BMPR1B: variants seen among roughly 807,000 people sequenced by gnomAD.
BMPR1B encodes the protein bone morphogenetic protein receptor type 1B, also known as bone morphogenetic protein receptor type-1B.
A neutral mutation model predicts 59.1 loss-of-function variants in BMPR1B; 12 were observed. The ratio of observed to expected loss-of-function variants is 0.20; its 90% CI spans 0.13 to 0.33. The LOEUF (loss-of-function observed/expected upper bound fraction) is 0.33, where lower values mean the gene tolerates loss of function less well. Among genes scored for constraint, BMPR1B ranks in the 10% least tolerant of loss-of-function variants. The probability of loss-of-function intolerance (pLI) is 1.00; values close to 1 mark genes in which losing one functional copy is unlikely to be tolerated. For missense variants in BMPR1B, 550 were observed against 610.9 expected, an observed-to-expected ratio of 0.90 and a Z score of 1.05; for synonymous variants, 237 against 207.3, an observed-to-expected ratio of 1.14 and a Z score of -1.23.
At chr4:94,811,712 C>G (rs1401630389) in intron 1 of BMPR1B, among the ~76,000 whole-genome samples, 1 of 152,104 alleles carries the variant, frequency 6.6e-6, no homozygotes, top group Non-Finnish European at 1.5e-5. Context: ...ACAACTTTCT[C>G]AAATGCCAGG....
chr4:94,967,977 C>CTTTG (rs1256119808), intron 2 of BMPR1B, among the ~76,000 whole-genome samples: 1 of 152,130 alleles, frequency 6.6e-6, no homozygotes, highest in Non-Finnish European at 1.5e-5. Context: ...CTTTATCTCA[C>CTTTG]TTTGAGGTTA....
intron 3 of BMPR1B, among the ~76,000 whole-genome samples, chr4:95,074,926 G>A (rs991914963): frequency 1.3e-5 from 2 of 152,100 alleles, no homozygotes; most frequent in African/African-American, 2.4e-5. Flanking sequence ...TTTGGGATGA[G>A]CAAAGAAGTA....
intron 3 of BMPR1B, among the ~76,000 whole-genome samples, chr4:95,061,158 TAAACACACAC>T (rs1449417825): frequency 5.4e-5 from 5 of 92,544 alleles, no homozygotes; most frequent in Admixed American, 2.9e-4. Context: ...TGATTTAGAA[TAAACACACAC>T]ACACACACAC....
At chr4:95,123,677 T>A (rs1428844868) in intron 6 of BMPR1B, 133 bp from the exon 7 acceptor site, 3 of 707,888 alleles carry the variant, frequency 4.2e-6, no homozygotes, top group Non-Finnish European at 7.1e-6. Context: ...TTTTAAAAAA[T>A]TAATTGGTAT....
chr4:95,122,142 G>A (rs961839232), intron 6 of BMPR1B, among the ~76,000 whole-genome samples: 3 of 152,114 alleles, frequency 2.0e-5, no homozygotes, highest in African/African-American at 7.2e-5. Context: ...TTTGAGACCA[G>A]CCGGGCCAAC....
chr4:94,999,499 C>T (rs541552537), intron 3 of BMPR1B, among the ~76,000 whole-genome samples: 4 of 151,448 alleles, frequency 2.6e-5, no homozygotes, highest in African/African-American at 9.7e-5. Flanking sequence ...ATTTGGGTAA[C>T]AAGAGTCAAA....
At position 95,009,276 on chromosome 4, in the gene BMPR1B, A is replaced by G. The variant is rs145973773; in HGVS notation, c.-18+13142A>G. 5.9e-5 allele frequency among the ~76,000 whole-genome samples: 9 copies of G among 152,328 alleles called. No homozygotes were observed. In the East Asian group the frequency reaches 1.2e-3, roughly 20 times the overall value. On this transcript the variant is annotated intron_variant, in intron 3 of 12. Coordinates refer to ENST00000515059, the MANE Select transcript of BMPR1B (RefSeq NM_001203.3). The stretch of plus-strand genomic sequence containing the variant: ...AATTCTACCCCTAGGTATATATCCT[A>G]TAGAAATTTTTGCTTGTATGCCTCA...
intron 1 of BMPR1B, among the ~76,000 whole-genome samples, chr4:94,823,080 G>A (rs930688412): frequency 3.9e-5 from 6 of 152,124 alleles, no homozygotes; most frequent in African/African-American, 1.4e-4. Context: ...GGCAGCCACT[G>A]TATCCTACAC....
chr4:94,830,808 A>G (rs571759857), intron 1 of BMPR1B, among the ~76,000 whole-genome samples: 3 of 152,308 alleles, frequency 2.0e-5, no homozygotes, highest in African/African-American at 7.2e-5. Flanking sequence ...GTAACGCCAT[A>G]GCACGACACG....
chr4:95,045,283 T>A (rs1725958735), intron 3 of BMPR1B, among the ~76,000 whole-genome samples: 1 of 152,206 alleles, frequency 6.6e-6, no homozygotes, highest in South Asian at 2.1e-4. Context: ...ACTTTATTAG[T>A]TTCCCTTGAA....
intron 2 of BMPR1B, among the ~76,000 whole-genome samples, chr4:94,958,586 C>T (rs1040797188): frequency 2.6e-4 from 40 of 152,258 alleles, no homozygotes; most frequent in African/African-American, 8.7e-4. Flanking sequence ...GGGTTAGGGA[C>T]CACCCTAACA....
At chr4:95,119,837 C>A (rs1157351564) in intron 6 of BMPR1B, among the ~76,000 whole-genome samples, 6 of 152,112 alleles carry the variant, frequency 3.9e-5, no homozygotes, top group Admixed American at 3.9e-4. Flanking sequence ...ATAAGAAATT[C>A]ATAGTGGATT....
intron 3 of BMPR1B, among the ~76,000 whole-genome samples, chr4:95,010,598 T>C (rs1723151482): frequency 6.6e-6 from 1 of 152,196 alleles, no homozygotes; most frequent in African/African-American, 2.4e-5. Flanking sequence ...GGAAATTGCT[T>C]GGCCGTATGA....
chr4:94,998,205 A>G (rs1226437795), intron 3 of BMPR1B, among the ~76,000 whole-genome samples: 2 of 152,162 alleles, frequency 1.3e-5, no homozygotes, highest in African/African-American at 4.8e-5. Flanking sequence ...AATATTTTAT[A>G]TGCAGGTATA....
At chr4:95,131,125 T>C (rs1733322748) in intron 9 of BMPR1B, 90 bp from the exon 10 acceptor site, 1 of 1,364,406 alleles carries the variant, frequency 7.3e-7, no homozygotes, top group Admixed American at 2.0e-5. Context: ...AAACAAAAAT[T>C]ATCTATGACA....
intron 10 of BMPR1B, among the ~76,000 whole-genome samples, chr4:95,137,583 C>A (rs1249668607): frequency 2.0e-5 from 3 of 152,168 alleles, no homozygotes. Flanking sequence ...CTTTATGCAT[C>A]TGGGTGCTCC....
At chr4:94,758,476 A>G (rs1210331981) in intron 1 of BMPR1B, among the ~76,000 whole-genome samples, 1 of 148,236 alleles carries the variant, frequency 6.7e-6, no homozygotes, top group Non-Finnish European at 1.5e-5. Flanking sequence ...ATGGGGCGGG[A>G]GGGCGAGCTG....
At chr4:94,859,714 TAAAAA>T (rs141466157) in intron 1 of BMPR1B, among the ~76,000 whole-genome samples, 1 of 150,384 alleles carries the variant, frequency 6.6e-6, no homozygotes, top group Non-Finnish European at 1.5e-5. Context: ...TGACAAGACT[TAAAAA>T]AAAAGAGTTA....
Position 95,123,883 on chromosome 4 carries a change from T to C in BMPR1B, c.423T>C (p.Leu141=). The C allele has an allele frequency of 1.2e-6, 2 of 1,611,550 alleles. No homozygotes were observed. Among genetic ancestry groups the C allele is most frequent in the Non-Finnish European group, 1.7e-6 (2 of 1,178,670 alleles). The change falls in exon 7 of 13, where the codon CTT becomes CTC. Residue 141 remains leucine (L), a synonymous_variant. Coordinates refer to ENST00000515059, the MANE Select transcript of BMPR1B (RefSeq NM_001203.3). The part of the protein sequence containing the change: ...SVTVCSLLLV[L]IILFCYFRYK... ...CTGTCTGTAGTTTGCTCTTGGTCCT[T>C]ATCATATTATTTTGTTACTTCCGGT...
Sources: gnomAD v4.1 joint callset for allele counts (sites outside exome capture counted in the v4.1 genomes callset) on GRCh38, gnomAD v4.1.1 for gene constraint, MANE v1.5 for transcripts, NCBI Gene and HGNC (gene_info 2026-07-23, HGNC 2026-07-21) for gene names.